The following IYD variants were observed in gnomAD, a reference collection of about 807,000 sequenced individuals.
IYD encodes the protein iodotyrosine deiodinase 1.
Under a neutral mutation model 28.4 loss-of-function variants are expected in IYD, and 25 were observed. That is an observed-to-expected ratio of 0.88 (90% CI 0.64 to 1.23). The LOEUF (loss-of-function observed/expected upper bound fraction) is 1.23, where lower values mean the gene tolerates loss of function less well. IYD is among the 50% of genes most tolerant of loss of function. The pLI, the probability that IYD is intolerant of heterozygous loss-of-function variation, is 0.00. For synonymous variants in IYD, 140 were observed against 130.8 expected (o/e 1.07, Z -0.48); for missense variants, 352 against 357.9 (o/e 0.98, Z 0.13).
intron 4 of IYD, chr6:150,395,771 C>A: frequency 1.5e-6 from 1 of 672,350 alleles, no homozygotes; most frequent in South Asian, 1.6e-5. Flanking sequence ...ACTTCCTGGT[C>A]AGGTTTAGAG....
intron 4 of IYD, chr6:150,395,416 A>G (rs1277009520): frequency 1.3e-6 from 2 of 1,537,132 alleles, no homozygotes; most frequent in Non-Finnish European, 1.7e-6. Context: ...ATTATCCTGA[A>G]GGAGCTGGCA....
intron 1 of IYD, among the ~76,000 whole-genome samples, chr6:150,380,380 C>A (rs956113161): frequency 1.3e-5 from 2 of 152,102 alleles, no homozygotes; most frequent in African/African-American, 4.8e-5. Context: ...ATTTCCTGAG[C>A]AGATGTCTAA....
At chr6:150,386,789 AT>A (rs1421608954) in intron 1 of IYD, among the ~76,000 whole-genome samples, 2 of 151,830 alleles carry the variant, frequency 1.3e-5, no homozygotes, top group Non-Finnish European at 2.9e-5. Flanking sequence ...TTTGGCCTTA[AT>A]TTTTTTTCAA....
chr6:150,397,631 G>A (rs1380904862), intron 4 of IYD, among the ~76,000 whole-genome samples: 1 of 150,202 alleles, frequency 6.7e-6, no homozygotes, highest in Non-Finnish European at 1.5e-5. Context: ...TGTCGCATTT[G>A]GGCTAGGACA....
intron 1 of IYD, 146 bp from the exon 2 acceptor site, chr6:150,389,206 T>G: frequency 1.5e-6 from 1 of 646,764 alleles, no homozygotes; most frequent in Non-Finnish European, 2.7e-6. Context: ...TGGTAAGGAT[T>G]CTGTAAATCT....
At chr6:150,389,754 T>C (rs536357313) in intron 2 of IYD, 23 of 547,904 alleles carry the variant, frequency 4.2e-5, no homozygotes, top group South Asian at 3.8e-4. Flanking sequence ...TGGAAGAAGA[T>C]GTGACAATAG....
rs1425592583 is a variant in IYD at position 150,394,089 on chromosome 6, C to A, written c.531-10C>A. ...GCAAATATTATCCTGAATCTCTTTT[C>A]TCTTCACAGAACCAACTGGATTAAA... On this transcript the variant is annotated splice_polypyrimidine_tract_variant and intron_variant, in intron 3 of 4. Transcript: ENST00000344419. 1 of 1,613,638 alleles carries A rather than the reference C, an allele frequency of 6.2e-7. No homozygotes were observed.
At chr6:150,370,082 C>G (rs1379119389) in intron 1 of IYD, 2 of 700,890 alleles carry the variant, frequency 2.9e-6, no homozygotes, top group Admixed American at 4.0e-5. Context: ...GGGATGGGTT[C>G]GATTTGGAAG....
Position 150,394,130 on chromosome 6 carries a change from G to T in IYD, c.562G>T (p.Ala188Ser). ...CTGGATTAAAGAGTACTTGGATACTGCCCCTATTTTGATTCTCATTTTCAA... is the reference window on the plus strand; with the variant it reads ...CTGGATTAAAGAGTACTTGGATACTTCCCCTATTTTGATTCTCATTTTCAA... ...TNWIKEYLDTAPILILIFKQV... is the reference protein window; with the variant it reads ...TNWIKEYLDTSPILILIFKQV... Residue 188 changes from alanine to serine, a missense_variant, in exon 4 of 5, where the codon GCC becomes TCC. Coordinates refer to ENST00000344419, the MANE Select transcript of IYD (RefSeq NM_203395.3). 6.2e-7 allele frequency: 1 copy of T among 1,614,116 alleles called. No homozygotes were observed. The highest frequency in any genetic ancestry group is 2.2e-5 in the East Asian group (1 of 44,892).
chr6:150,392,024 C>A (rs542924819), intron 2 of IYD, among the ~76,000 whole-genome samples: 1 of 151,476 alleles, frequency 6.6e-6, no homozygotes, highest in Non-Finnish European at 1.5e-5. Flanking sequence ...TGAATTACTA[C>A]GTTTATCCTT....
Position 150,389,389 on chromosome 6 carries a change from A to ATTCT in IYD, c.216_217insTTCT (p.His73PhefsTer8). ...GGCAAGAATCAGAAGAAAATGTTGA[A>ATTCT]CACATCCCCTTCTCTCATAACCACT... is the stretch of plus-strand genomic sequence containing the variant. On this transcript the variant is annotated frameshift_variant, in exon 2 of 5. Coordinates refer to ENST00000344419, the MANE Select transcript of IYD (RefSeq NM_203395.3). LOFTEE classifies it high-confidence loss of function. 6.2e-7 allele frequency: 1 copy of ATTCT among 1,613,942 alleles called. No homozygotes were observed. Among genetic ancestry groups the ATTCT allele is most frequent in the Non-Finnish European group, 8.5e-7 (1 of 1,179,858 alleles).
In IYD at chr6:150,375,789, C is replaced by G. The variant is rs59705588; in HGVS notation, c.178+6580C>G. Among the ~76,000 whole-genome samples, 105 of 152,264 alleles carry G rather than the reference C, an allele frequency of 6.9e-4. No individual in the cohort carries two copies. In the East Asian group the frequency reaches 0.018, roughly 26 times the overall value. On this transcript the variant is annotated intron_variant, in intron 1 of 4. Transcript: ENST00000344419. ...GCAGATGCTGAGCCCTGAAGTGGCT[C>G]CCATCCTCACCTTCAAAATCTGCAT...
chr6:150,378,097 C>T (rs1777514040), intron 1 of IYD, among the ~76,000 whole-genome samples: 1 of 152,168 alleles, frequency 6.6e-6, no homozygotes, highest in Non-Finnish European at 1.5e-5. Context: ...AATTCTCTAC[C>T]TGAATTCCAC....
chr6:150,370,620 G>A (rs1217318803), intron 1 of IYD: 82 of 985,246 alleles, frequency 8.3e-5, no homozygotes, highest in East Asian at 1.1e-4. Flanking sequence ...TCTACCCAGC[G>A]GAGAAGCACT....
chr6:150,373,298 CTGG>C (rs1777337686), intron 1 of IYD, among the ~76,000 whole-genome samples: 1 of 152,202 alleles, frequency 6.6e-6, no homozygotes, highest in Admixed American at 6.5e-5. Context: ...GCTTTCAAAA[CTGG>C]TTCCAAGCCT....
chr6:150,392,429 T>C lies in IYD; in HGVS notation c.455T>C (p.Ile152Thr), dbSNP rs1257184221. 20 of 1,613,750 alleles carry C rather than the reference T, an allele frequency of 1.2e-5. No homozygotes were observed. The highest frequency in any genetic ancestry group is 1.7e-5 in the Non-Finnish European group (20 of 1,179,866). ...DPDVKHKIRK[I>T]IEEEEEINYM... ...GACGTGAAGCACAAGATTCGAAAGA[T>C]CATTGAGGAGGAAGAGGAGATCAAC... is the stretch of plus-strand genomic sequence containing the variant. Residue 152 changes from isoleucine (I) to threonine (T), a missense_variant, in exon 3 of 5, where the codon ATC (isoleucine) becomes ACC (threonine). Ile to Thr is a moderately conservative substitution (Grantham distance 89). Transcript: ENST00000344419.
intron 1 of IYD, among the ~76,000 whole-genome samples, chr6:150,385,445 C>T (rs1777824335): frequency 6.6e-6 from 1 of 151,896 alleles, no homozygotes; most frequent in Non-Finnish European, 1.5e-5. Flanking sequence ...ACCTTTTCTG[C>T]ATTGTAATGA....
chr6:150,369,694 C>A (rs1777149348), intron 1 of IYD, among the ~76,000 whole-genome samples: 1 of 152,136 alleles, frequency 6.6e-6, no homozygotes, highest in Non-Finnish European at 1.5e-5. Flanking sequence ...AGATGATACA[C>A]TAGAATCAGA....
At position 150,405,618 on chromosome 6, in the gene IYD, A is replaced by G. The variant is rs1778620716; in HGVS notation, c.*7381A>G. ...GAAGCAGAAGAATGACAACTGAGTGAATGGGGAAACCCCTTATAAAGCCAT... is the reference window on the plus strand; with the variant it reads ...GAAGCAGAAGAATGACAACTGAGTGGATGGGGAAACCCCTTATAAAGCCAT... On this transcript the variant is annotated 3_prime_UTR_variant, in exon 5 of 5. Coordinates refer to ENST00000344419, the MANE Select transcript of IYD (RefSeq NM_203395.3). 1 of 152,308 alleles carries G rather than the reference A, an allele frequency of 6.6e-6. No homozygotes were observed. The highest frequency in any genetic ancestry group is 6.5e-5 in the Admixed American group (1 of 15,300). The allele number at this position is 152,308 out of a possible 1,614,324, so 9.4% of individuals were successfully genotyped here.
Sources: allele counts gnomAD v4.1 joint callset (sites outside exome capture counted in the v4.1 genomes callset), GRCh38; gene constraint gnomAD v4.1.1; transcripts MANE v1.5; gene names NCBI Gene and HGNC (gene_info 2026-07-23, HGNC 2026-07-21).